Variants in SCFD2 observed in about 807,000 individuals in gnomAD.
The protein encoded by SCFD2 is sec1 family domain containing 2, also known as sec1 family domain-containing protein 2.
SCFD2 carries 54 observed loss-of-function variants against 58.9 expected under a neutral mutation model. The observed-to-expected ratio is 0.92, with a 90% CI of 0.74 to 1.15. The LOEUF (loss-of-function observed/expected upper bound fraction) is 1.15. Ranked by LOEUF, SCFD2 falls within the 50% of genes most tolerant of loss-of-function variation. The pLI, the probability that SCFD2 is intolerant of heterozygous loss-of-function variation, is 0.00. For missense variants in SCFD2, 805 were observed against 836.6 expected, an observed-to-expected ratio of 0.96 and a Z score of 0.47; for synonymous variants, 321 against 335.9, an observed-to-expected ratio of 0.96 and a Z score of 0.49.
chr4:53,282,646 T>C (rs1467134408), intron 3 of SCFD2, among the ~76,000 whole-genome samples: 2 of 152,188 alleles, frequency 1.3e-5, no homozygotes, highest in African/African-American at 4.8e-5. Context: ...AGATTTTATG[T>C]ATCTATACAT....
chr4:53,162,048 T>G (rs1726868733), intron 4 of SCFD2, among the ~76,000 whole-genome samples: 1 of 152,160 alleles, frequency 6.6e-6, no homozygotes, highest in South Asian at 2.1e-4. Flanking sequence ...CAACTCAACA[T>G]GTCCACTCTT....
rs1730309319 is a variant in SCFD2, at chr4:53,250,265, T to G, written c.1311+23561A>C. Among the ~76,000 whole-genome samples the G allele has an allele frequency of 2.6e-5, 4 of 152,286 alleles. No individual in the cohort carries two copies. The South Asian group carries it at 8.3e-4, about 32-fold the overall frequency. The stretch of plus-strand genomic sequence containing the variant: ...AGAAGAACTAACTATCCTAAATATA[T>G]ATGCACCCAATATAGGAGCACCCAG... On this transcript the variant is annotated intron_variant, in intron 4 of 8. Coordinates refer to ENST00000401642, the MANE Select transcript of SCFD2 (RefSeq NM_152540.4).
chr4:53,105,155 C>A (rs1023304951), intron 5 of SCFD2, among the ~76,000 whole-genome samples: 1 of 152,142 alleles, frequency 6.6e-6, no homozygotes, highest in African/African-American at 2.4e-5. Flanking sequence ...CACTCCGGCC[C>A]AGATACTATG....
At chr4:53,318,881 C>T (rs1732942289) in intron 2 of SCFD2, among the ~76,000 whole-genome samples, 1 of 152,176 alleles carries the variant, frequency 6.6e-6, no homozygotes, top group East Asian at 1.9e-4. Context: ...TGATCCTCAT[C>T]TCCTGAGCTA....
chr4:53,298,763 C>T (rs1053232604), intron 3 of SCFD2, among the ~76,000 whole-genome samples: 5 of 152,130 alleles, frequency 3.3e-5, no homozygotes, highest in African/African-American at 1.2e-4. Flanking sequence ...GAGGAACGAT[C>T]AGGCAGCAGC....
chr4:52,972,673 G>A (rs567498475), intron 5 of SCFD2, among the ~76,000 whole-genome samples: 1 of 152,244 alleles, frequency 6.6e-6, no homozygotes, highest in East Asian at 1.9e-4. Context: ...AGACCTAATA[G>A]ACACCTACAG....
intron 2 of SCFD2, among the ~76,000 whole-genome samples, chr4:53,341,515 C>A (rs1328948983): frequency 6.6e-6 from 1 of 152,160 alleles, no homozygotes; most frequent in African/African-American, 2.4e-5. Flanking sequence ...AGAATGGAAC[C>A]AAGTTGGAAA....
At chr4:53,023,913 A>C (rs1282971084) in intron 5 of SCFD2, among the ~76,000 whole-genome samples, 2 of 152,152 alleles carry the variant, frequency 1.3e-5, no homozygotes, top group Non-Finnish European at 2.9e-5. Context: ...GGAAAACTTC[A>C]TCTCGACATT....
chr4:53,064,256 A>G (rs1437132176), intron 5 of SCFD2, among the ~76,000 whole-genome samples: 1 of 152,030 alleles, frequency 6.6e-6, no homozygotes, highest in Non-Finnish European at 1.5e-5. Context: ...GTAGTCTTTT[A>G]ACCCTTGCTC....
At chr4:53,153,997 G>C (rs1297170220) in intron 4 of SCFD2, among the ~76,000 whole-genome samples, 2 of 152,036 alleles carry the variant, frequency 1.3e-5, no homozygotes, top group Non-Finnish European at 1.5e-5. Context: ...CAGCATTTTG[G>C]TCACAACTAT....
chr4:53,023,096 A>G (rs1243446565), intron 5 of SCFD2, among the ~76,000 whole-genome samples: 1 of 152,200 alleles, frequency 6.6e-6, no homozygotes, highest in Non-Finnish European at 1.5e-5. Flanking sequence ...ACCTTTGTGC[A>G]TAGAGAGTTT....
At chr4:52,972,080 C>T (rs169960) in intron 5 of SCFD2, among the ~76,000 whole-genome samples, 9 of 152,132 alleles carry the variant, frequency 5.9e-5, no homozygotes, top group Admixed American at 1.3e-4. Context: ...TTGTAAAGAC[C>T]ATCGAGGCTA....
intron 5 of SCFD2, among the ~76,000 whole-genome samples, chr4:53,032,314 G>A (rs1209835827): frequency 2.6e-5 from 4 of 152,044 alleles, no homozygotes; most frequent in South Asian, 2.1e-4. Context: ...GGGAACAATC[G>A]GTACCAGCCA....
intron 4 of SCFD2, among the ~76,000 whole-genome samples, chr4:53,218,263 G>A (rs181628940): frequency 5.1e-4 from 77 of 152,174 alleles, no homozygotes; most frequent in African/African-American, 1.6e-3. Flanking sequence ...CATTCTCCTC[G>A]TCACTTTCAG....
chr4:53,236,859 A>G (rs962514521), intron 4 of SCFD2, among the ~76,000 whole-genome samples: 6 of 147,738 alleles, frequency 4.1e-5, no homozygotes, highest in Non-Finnish European at 9.0e-5. Flanking sequence ...TTTATTTTTT[A>G]TTGATAATTC....
At chr4:53,013,933 A>G (rs1019078874) in intron 5 of SCFD2, among the ~76,000 whole-genome samples, 2 of 152,208 alleles carry the variant, frequency 1.3e-5, no homozygotes, top group African/African-American at 2.4e-5. Flanking sequence ...AGGGTCAACT[A>G]AAAAATATCT....
At chr4:53,199,982 G>C (rs538830869) in intron 4 of SCFD2, among the ~76,000 whole-genome samples, 3 of 151,948 alleles carry the variant, frequency 2.0e-5, no homozygotes, top group African/African-American at 7.3e-5. Context: ...GGGAGAGAGA[G>C]AGAGAATGCA....
intron 5 of SCFD2, among the ~76,000 whole-genome samples, chr4:53,015,072 G>C (rs1722178993): frequency 1.3e-5 from 2 of 152,202 alleles, no homozygotes; most frequent in Non-Finnish European, 2.9e-5. Context: ...AAGTCAGTGA[G>C]TCAGGAGGAG....
intron 2 of SCFD2, among the ~76,000 whole-genome samples, chr4:53,333,418 C>T (rs1421971610): frequency 4.5e-5 from 6 of 132,410 alleles, no homozygotes; most frequent in African/African-American, 1.5e-4. Flanking sequence ...ATCAATGGAA[C>T]AGAACAGAGC....
Sources: gnomAD v4.1 joint callset for allele counts (sites outside exome capture counted in the v4.1 genomes callset) on GRCh38, gnomAD v4.1.1 for gene constraint, MANE v1.5 for transcripts, NCBI Gene and HGNC (gene_info 2026-07-23, HGNC 2026-07-21) for gene names.